Variants in ADAMTSL1 observed in about 807,000 individuals in gnomAD.
ADAMTSL1 encodes the protein ADAMTS-like protein 1.
A neutral mutation model predicts 201.8 loss-of-function variants in ADAMTSL1; 126 were observed. The ratio of observed to expected loss-of-function variants is 0.62; its 90% CI spans 0.54 to 0.72. The LOEUF is 0.72. Among genes scored for constraint, ADAMTSL1 ranks in the 30% least tolerant of loss-of-function variants. The probability of loss-of-function intolerance (pLI) is 0.00; values close to 1 mark genes in which losing one functional copy is unlikely to be tolerated. For missense variants in ADAMTSL1, 2,679 were observed against 2,277.8 expected (o/e 1.18, Z -3.59); for synonymous variants, 1,121 against 903.4 (o/e 1.24, Z -4.32).
rs181388957 is a variant in ADAMTSL1 at position 18,595,603 on chromosome 9, G to A, written c.474+21337G>A. On this transcript the variant is annotated intron_variant, in intron 4 of 28. Coordinates refer to ENST00000380548, the MANE Select transcript of ADAMTSL1 (RefSeq NM_001040272.6). ...GGAGGCTCAGACTGCCAGGCTTGAC[G>A]TATGGACAAGTCTCCCTCTAAGCTG... Among the ~76,000 whole-genome samples the A allele has an allele frequency of 6.6e-5, 10 of 152,342 alleles. No individual in the cohort carries two copies. In the East Asian group the frequency reaches 1.2e-3, roughly 18 times the overall value.
intron 2 of ADAMTSL1, among the ~76,000 whole-genome samples, chr9:18,274,295 A>G (rs1832501307): frequency 6.6e-6 from 1 of 152,214 alleles, no homozygotes; most frequent in Non-Finnish European, 1.5e-5. Flanking sequence ...TTAAGCTTTG[A>G]TTAACATATG....
At chr9:18,900,732 A>G (rs1442286070) in intron 26 of ADAMTSL1, among the ~76,000 whole-genome samples, 1 of 129,166 alleles carries the variant, frequency 7.7e-6, no homozygotes, top group East Asian at 2.6e-4. Flanking sequence ...ATGAGAACAC[A>G]TGGACACACT....
intron 23 of ADAMTSL1, among the ~76,000 whole-genome samples, chr9:18,878,243 A>G (rs1237679681): frequency 6.7e-6 from 1 of 149,624 alleles, no homozygotes; most frequent in Non-Finnish European, 1.5e-5. Context: ...ACACCTCCCC[A>G]CCTGTCGTGG....
chr9:18,570,128 G>A (rs1437438823), intron 3 of ADAMTSL1, among the ~76,000 whole-genome samples: 1 of 151,954 alleles, frequency 6.6e-6, no homozygotes, highest in Non-Finnish European at 1.5e-5. Flanking sequence ...GGAGGCAGAG[G>A]TGGAAGGATA....
chr9:18,881,631 C>G (rs1198769798), intron 23 of ADAMTSL1, among the ~76,000 whole-genome samples: 1 of 152,188 alleles, frequency 6.6e-6, no homozygotes, highest in African/African-American at 2.4e-5. Context: ...GAAAATTTTA[C>G]ACAGAGACAT....
At chr9:18,500,754 C>T (rs1423778727) in intron 1 of ADAMTSL1, among the ~76,000 whole-genome samples, 1 of 152,148 alleles carries the variant, frequency 6.6e-6, no homozygotes, top group East Asian at 1.9e-4. Context: ...ATGGCCTTTT[C>T]CCTCAAGTTC....
chr9:18,726,012 T>C (rs1396600448), intron 15 of ADAMTSL1, among the ~76,000 whole-genome samples: 8 of 152,194 alleles, frequency 5.3e-5, no homozygotes, highest in Non-Finnish European at 1.0e-4. Flanking sequence ...TATCTGACCT[T>C]CAAGAGGCCA....
intron 1 of ADAMTSL1, among the ~76,000 whole-genome samples, chr9:18,133,366 ATC>A (rs1306086716): frequency 6.6e-6 from 1 of 152,152 alleles, no homozygotes; most frequent in East Asian, 1.9e-4. Context: ...ATCCCTCTGT[ATC>A]TCCTGCCTTA....
At chr9:18,188,369 G>T (rs529309230) in intron 2 of ADAMTSL1, among the ~76,000 whole-genome samples, 1 of 152,218 alleles carries the variant, frequency 6.6e-6, no homozygotes, top group African/African-American at 2.4e-5. Flanking sequence ...ATTCTATGGG[G>T]TCTTTCCTGT....
In ADAMTSL1 at chr9:18,416,212, C is replaced by T. The variant is rs140874873; in HGVS notation, c.208-88617C>T. Among the ~76,000 whole-genome samples, 98 of 152,038 alleles carry T rather than the reference C, an allele frequency of 6.4e-4. No individual in the cohort carries two copies. In the East Asian group the frequency reaches 0.014, roughly 21 times the overall value. ...ATAATCGACATTTAAACAAAACTAGCGTAGTATGGAAGTTATAACGTAGGT... is the reference window on the plus strand; with the variant it reads ...ATAATCGACATTTAAACAAAACTAGTGTAGTATGGAAGTTATAACGTAGGT... On this transcript the variant is annotated intron_variant, in intron 2 of 29. Transcript: ENST00000680146.
intron 2 of ADAMTSL1, among the ~76,000 whole-genome samples, chr9:18,318,735 C>A (rs1469517602): frequency 6.7e-6 from 1 of 149,816 alleles, no homozygotes; most frequent in Admixed American, 6.6e-5. Flanking sequence ...TTTTTTTTTT[C>A]AAATATGGTT....
intron 1 of ADAMTSL1, among the ~76,000 whole-genome samples, chr9:17,983,772 C>T (rs1818816263): frequency 1.3e-5 from 2 of 151,706 alleles, no homozygotes; most frequent in South Asian, 2.1e-4. Context: ...GGATTAATAA[C>T]CTGGGAACAT....
At chr9:18,892,300 G>A in intron 25 of ADAMTSL1, 89 bp from the exon 26 acceptor site, 2 of 1,335,084 alleles carry the variant, frequency 1.5e-6, no homozygotes, top group Admixed American at 4.9e-5. Flanking sequence ...CAAATTAGTG[G>A]CAAGAGCAGG....
At chr9:18,154,893 T>A (rs1471350317) in intron 1 of ADAMTSL1, among the ~76,000 whole-genome samples, 1 of 152,068 alleles carries the variant, frequency 6.6e-6, no homozygotes, top group Non-Finnish European at 1.5e-5. Context: ...ATTCTTTAAG[T>A]TACATATACA....
chr9:18,090,283 A>G (rs1176065456), intron 1 of ADAMTSL1, among the ~76,000 whole-genome samples: 1 of 152,200 alleles, frequency 6.6e-6, no homozygotes, highest in Non-Finnish European at 1.5e-5. Context: ...AGGGACTCAA[A>G]TAGATATTTA....
intron 2 of ADAMTSL1, among the ~76,000 whole-genome samples, chr9:18,290,127 G>T (rs936258740): frequency 6.6e-6 from 1 of 152,134 alleles, no homozygotes; most frequent in African/African-American, 2.4e-5. Flanking sequence ...TGACAGGCAA[G>T]GATACATATC....
At chr9:18,252,675 C>T (rs1189673112) in intron 2 of ADAMTSL1, among the ~76,000 whole-genome samples, 1 of 151,942 alleles carries the variant, frequency 6.6e-6, no homozygotes, top group Non-Finnish European at 1.5e-5. Context: ...GATACAGAGC[C>T]CGCTGATAAG....
At chr9:18,564,055 G>A (rs187472331) in intron 3 of ADAMTSL1, among the ~76,000 whole-genome samples, 1 of 152,206 alleles carries the variant, frequency 6.6e-6, no homozygotes, top group Admixed American at 6.5e-5. Flanking sequence ...GGCGCCACTG[G>A]GGAATGAAAA....
At chr9:18,351,911 G>T (rs1006455204) in intron 2 of ADAMTSL1, among the ~76,000 whole-genome samples, 3 of 152,090 alleles carry the variant, frequency 2.0e-5, no homozygotes, top group Non-Finnish European at 4.4e-5. Context: ...TGGTAGTTAG[G>T]GGGTATAGAC....
Sources: gnomAD v4.1 joint callset for allele counts (sites outside exome capture counted in the v4.1 genomes callset) on GRCh38, gnomAD v4.1.1 for gene constraint, MANE v1.5 for transcripts, NCBI Gene and HGNC (gene_info 2026-07-23, HGNC 2026-07-21) for gene names.